The following NUBP1 variants were observed in gnomAD, a reference collection of about 807,000 sequenced individuals.
NUBP1 encodes the protein NUBP iron-sulfur cluster assembly factor 1, cytosolic, also known as cytosolic Fe-S cluster assembly factor NUBP1.
A neutral mutation model predicts 41.8 loss-of-function variants in NUBP1; 46 were observed. The ratio of observed to expected loss-of-function variants is 1.10; its 90% confidence interval spans 0.87 to 1.41. NUBP1 has a LOEUF of 1.41. NUBP1 is among the 40% of genes most tolerant of loss of function. NUBP1 has a pLI of 0.00. For missense variants in NUBP1, 494 were observed against 414.0 expected, an observed-to-expected ratio of 1.19 and a Z score of -1.68; for synonymous variants, 189 against 154.6, an observed-to-expected ratio of 1.22 and a Z score of -1.65.
At chr16:10,761,917 G>A (rs906941211) in intron 9 of NUBP1, 58 bp downstream of exon 9, 1 of 1,386,530 alleles carries the variant, frequency 7.2e-7, no homozygotes, top group Non-Finnish European at 1.0e-6. Flanking sequence ...ACAGGCACGG[G>A]TCGGGCACAA....
At chr16:10,744,155 T>C in intron 2 of NUBP1, 90 bp downstream of exon 2, 1 of 1,188,262 alleles carries the variant, frequency 8.4e-7, no homozygotes, top group Non-Finnish European at 1.1e-6. Context: ...ATCTGCAGAA[T>C]GACTGACAGC....
intron 3 of NUBP1, among the ~76,000 whole-genome samples, chr16:10,747,855 C>T (rs1900133483): frequency 6.6e-6 from 1 of 152,214 alleles, no homozygotes; most frequent in Admixed American, 6.5e-5. Flanking sequence ...TAGCTTTTCT[C>T]TAAGCCAGGG....
Position 10,749,545 on chromosome 16 carries a change from A to C in NUBP1, c.258+2269A>C, listed in dbSNP as rs1900223353. Reference sequence around the variant, plus strand: ...GCAGTGGTGGTTTAAAAAAAAAAGAAGTCAGCATTTAGGAAAGTGTGTTTT... The same window carrying C: ...GCAGTGGTGGTTTAAAAAAAAAAGACGTCAGCATTTAGGAAAGTGTGTTTT... On this transcript the variant is annotated intron_variant, in intron 3 of 10. Transcript: ENST00000283027. The surrounding 1 kb of genome is among the most constrained non-coding windows in gnomAD (Gnocchi z 4.1). Among the ~76,000 whole-genome samples, 1 of 152,208 alleles carries C rather than the reference A, an allele frequency of 6.6e-6. No individual in the cohort carries two copies. The highest frequency in any genetic ancestry group is 1.5e-5 in the Non-Finnish European group (1 of 68,040).
intron 6 of NUBP1, 100 bp downstream of exon 6, chr16:10,756,880 C>T: frequency 2.3e-6 from 2 of 868,452 alleles, no homozygotes; most frequent in Non-Finnish European, 1.8e-6. Flanking sequence ...GCCTGCTGGA[C>T]TTCACAGTAT....
At position 10,767,881 on chromosome 16, in the gene NUBP1, C is replaced by T; in HGVS notation, c.821-68C>T. ...CCATTGTCACCAGCACGGAAAGAGC[C>T]CCAAGATCTTGTGGCCATTCTGTTT... On this transcript the variant is annotated intron_variant, in intron 9 of 10. Transcript: ENST00000283027. This position sits in a 1 kb window ranked among gnomAD's most constrained non-coding sequence, Gnocchi z 4.6. 1 of 1,417,078 alleles carries T rather than the reference C, an allele frequency of 7.1e-7. No homozygotes were observed. Among genetic ancestry groups the T allele is most frequent in the South Asian group, 1.1e-5 (1 of 87,048 alleles). 87.8% of individuals were successfully genotyped at this position (1,417,078 alleles called of 1,614,324 possible).
chr16:10,761,868 C>A lies in NUBP1; in HGVS notation c.820+9C>A. The A allele has an allele frequency of 1.2e-6, 2 of 1,608,268 alleles. No homozygotes were observed. The highest frequency in any genetic ancestry group is 1.7e-6 in the Non-Finnish European group (2 of 1,175,190). On this transcript the variant is annotated intron_variant, in intron 9 of 10. Transcript: ENST00000283027. ...CCTGGATCCGCTCATAGGTGGGTGA[C>A]CCCAGTGTGGGGCGGCACCTCACTC...
rs1263576533 is a variant in NUBP1 at position 10,749,958 on chromosome 16, T to C, written c.259-2652T>C. ...TGAGCCATGAGACAGCCAAGAGTCA[T>C]ACACTGTCTTCCACTGCAAAAGTCA... On this transcript the variant is annotated intron_variant, in intron 3 of 10. Transcript: ENST00000283027. This position sits in a 1 kb window ranked among gnomAD's most constrained non-coding sequence, Gnocchi z 4.1. Among the ~76,000 whole-genome samples the C allele has an allele frequency of 1.3e-5, 2 of 152,206 alleles. No individual in the cohort carries two copies. Among genetic ancestry groups the C allele is most frequent in the African/African-American group, 4.8e-5 (2 of 41,456 alleles).
intron 5 of NUBP1, among the ~76,000 whole-genome samples, chr16:10,756,295 C>T (rs1900550390): frequency 6.6e-6 from 1 of 152,070 alleles, no homozygotes; most frequent in South Asian, 2.1e-4. Context: ...AGGAGAATTG[C>T]TTGAACCCGG....
rs1411896497 is a variant in NUBP1 at position 10,757,953 on chromosome 16, G to A, written c.532G>A (p.Asp178Asn). ...LIVDTPPGTSDEHLSVVRYLA... is the reference protein window; with the variant it reads ...LIVDTPPGTSNEHLSVVRYLA... The stretch of plus-strand genomic sequence containing the variant: ...TGTGGACACCCCACCTGGGACGTCG[G>A]ATGAACACCTCTCGGTCGTCCGGTA... Residue 178 changes from aspartate (D) to asparagine (N), a missense_variant, in exon 7 of 11, where the codon GAT becomes AAT. By Grantham distance (23) the Asp-to-Asn change is conservative. Transcript: ENST00000283027. This position sits in a 1 kb window ranked among gnomAD's most constrained non-coding sequence, Gnocchi z 4.1. The A allele has an allele frequency of 1.2e-6, 2 of 1,614,136 alleles. No homozygotes were observed. The highest frequency in any genetic ancestry group is 1.3e-5 in the African/African-American group (1 of 75,030).
At position 10,759,809 on chromosome 16, in the gene NUBP1, G is replaced by A. The variant is rs769555904; in HGVS notation, c.607-1555G>A. 6.6e-6 allele frequency among the ~76,000 whole-genome samples: 1 copy of A among 152,142 alleles called. No individual in the cohort carries two copies. ...AAAGAAAGAAATGAGAGACTGAGTC[G>A]CAGCCCATTGACTTTCTAGCTGAGC... is the stretch of plus-strand genomic sequence containing the variant. On this transcript the variant is annotated intron_variant, in intron 7 of 10. Coordinates refer to ENST00000283027, the MANE Select transcript of NUBP1 (RefSeq NM_002484.4). This position sits in a 1 kb window ranked among gnomAD's most constrained non-coding sequence, Gnocchi z 4.7.
At chr16:10,744,791 T>C (rs1899987699) in intron 2 of NUBP1, among the ~76,000 whole-genome samples, 2 of 145,786 alleles carry the variant, frequency 1.4e-5, no homozygotes, top group Admixed American at 6.7e-5. Context: ...AGAGTCTTGC[T>C]GTGTAGCCCA....
intron 3 of NUBP1, among the ~76,000 whole-genome samples, chr16:10,747,869 T>C (rs976570331): frequency 8.5e-5 from 13 of 152,236 alleles, no homozygotes; most frequent in Non-Finnish European, 1.9e-4. Flanking sequence ...GCCAGGGACC[T>C]GCAAACTATA....
At chr16:10,762,561 G>A (rs1478636341) in intron 9 of NUBP1, among the ~76,000 whole-genome samples, 3 of 152,238 alleles carry the variant, frequency 2.0e-5, no homozygotes, top group Non-Finnish European at 4.4e-5. Flanking sequence ...AGCCGGGCGG[G>A]CCTCCGTTAC....
In NUBP1 at chr16:10,757,817, T is replaced by A; in HGVS notation, c.452-56T>A. ...ATCCTTTAAAAAAAAAAGAGGGAGTTGAAAGTACAGAAAAGAAAGGAAAAG... is the reference window on the plus strand; with the variant it reads ...ATCCTTTAAAAAAAAAAGAGGGAGTAGAAAGTACAGAAAAGAAAGGAAAAG... On this transcript the variant is annotated intron_variant, in intron 6 of 10. Coordinates refer to ENST00000283027, the MANE Select transcript of NUBP1 (RefSeq NM_002484.4). This position sits in a 1 kb window ranked among gnomAD's most constrained non-coding sequence, Gnocchi z 4.1. 9 of 1,570,818 alleles carry A rather than the reference T, an allele frequency of 5.7e-6. No homozygotes were observed. The South Asian group carries it at 8.1e-5, about 14-fold the overall frequency.
At position 10,757,752 on chromosome 16, in the gene NUBP1, TC is replaced by T. The variant is rs987469429; in HGVS notation, c.452-120del. ...CTGAGGTGGGAGGATTGCTTGAGCCTCAGAGTTAAGAGCCAACCTGGGCAAC... is the reference window on the plus strand; with the variant it reads ...CTGAGGTGGGAGGATTGCTTGAGCCTAGAGTTAAGAGCCAACCTGGGCAAC... On this transcript the variant is annotated intron_variant, in intron 6 of 10. Coordinates refer to ENST00000283027, the MANE Select transcript of NUBP1 (RefSeq NM_002484.4). This position sits in a 1 kb window ranked among gnomAD's most constrained non-coding sequence, Gnocchi z 4.1. 2 of 1,245,082 alleles carry T rather than the reference TC, an allele frequency of 1.6e-6. No individual in the cohort carries two copies. The highest frequency in any genetic ancestry group is 3.0e-5 in the African/African-American group (2 of 66,036). The allele number at this position is 1,245,082 out of a possible 1,614,324, so 77.1% of individuals were successfully genotyped here.
At chr16:10,762,549 G>A (rs932882168) in intron 9 of NUBP1, among the ~76,000 whole-genome samples, 8 of 152,354 alleles carry the variant, frequency 5.3e-5, no homozygotes, top group East Asian at 3.9e-4. Flanking sequence ...CCAGGACCGC[G>A]GAGCCGGGCG....
rs1014508687 is a variant in NUBP1, at chr16:10,761,422, C to G, written c.665C>G (p.Pro222Arg). The G allele has an allele frequency of 3.1e-6, 5 of 1,614,124 alleles. No individual in the cohort carries two copies. The highest frequency in any genetic ancestry group is 4.2e-6 in the Non-Finnish European group (5 of 1,179,992). ...AACTTCTGCCGCAAGGTGAAGCTGCCCATCATCGGGGTGGTGGAGAACATG... is the reference window on the plus strand; with the variant it reads ...AACTTCTGCCGCAAGGTGAAGCTGCGCATCATCGGGGTGGTGGAGAACATG... ...EINFCRKVKL[P>R]IIGVVENMSG... Residue 222 changes from proline (P) to arginine (R), a missense_variant, in exon 8 of 11, where the codon CCC becomes CGC. By Grantham distance (103) the Pro-to-Arg change is moderately radical. Coordinates refer to ENST00000283027, the MANE Select transcript of NUBP1 (RefSeq NM_002484.4).
Position 10,752,607 on chromosome 16 carries a change from C to A in NUBP1, c.259-3C>A. On this transcript the variant is annotated splice_polypyrimidine_tract_variant and splice_region_variant and intron_variant, in intron 3 of 10. Coordinates refer to ENST00000283027, the MANE Select transcript of NUBP1 (RefSeq NM_002484.4). ...AACCGCTTTGGTCTCTTCTTGTCCC[C>A]AGATTGCTCTTCTAGACATCGATAT... 6.2e-7 allele frequency: 1 copy of A among 1,613,104 alleles called. No homozygotes were observed. Among genetic ancestry groups the A allele is most frequent in the Non-Finnish European group, 8.5e-7 (1 of 1,179,290 alleles).
chr16:10,757,126 C>G lies in NUBP1; in HGVS notation c.451+346C>G, dbSNP rs907765303. The stretch of plus-strand genomic sequence containing the variant: ...ACCAGCCTCGCCGACATGGTGAAAC[C>G]CTGTCTCTACCAAAAACATAAAAAA... On this transcript the variant is annotated intron_variant, in intron 6 of 10. Coordinates refer to ENST00000283027, the MANE Select transcript of NUBP1 (RefSeq NM_002484.4). This position sits in a 1 kb window ranked among gnomAD's most constrained non-coding sequence, Gnocchi z 4.1. Among the ~76,000 whole-genome samples, 2 of 151,956 alleles carry G rather than the reference C, an allele frequency of 1.3e-5. No individual in the cohort carries two copies. The highest frequency in any genetic ancestry group is 4.8e-5 in the African/African-American group (2 of 41,344).
Sources: allele counts gnomAD v4.1 joint callset (sites outside exome capture counted in the v4.1 genomes callset), GRCh38; gene constraint gnomAD v4.1.1; non-coding constraint Gnocchi (gnomAD v3.1); transcripts MANE v1.5; gene names NCBI Gene and HGNC (gene_info 2026-07-23, HGNC 2026-07-21).